The following ZFP14 variants were observed in gnomAD, a reference collection of about 807,000 sequenced individuals.
ZFP14 encodes zinc finger protein 14 homolog.
A neutral mutation model predicts 54.5 loss-of-function variants in ZFP14; 22 were observed. The observed-to-expected ratio is 0.40, with a 90% CI of 0.29 to 0.58. The LOEUF (loss-of-function observed/expected upper bound fraction) is 0.58, where lower values mean the gene tolerates loss of function less well. ZFP14 is among the 20% of genes least tolerant of loss of function. The pLI, the probability that ZFP14 is intolerant of heterozygous loss-of-function variation, is 0.39. For missense variants in ZFP14, 470 were observed against 637.8 expected (o/e 0.74, Z 2.83); for synonymous variants, 159 against 204.0 (o/e 0.78, Z 1.88).
At chr19:36,375,926 C>T (rs949662674) in intron 1 of ZFP14, among the ~76,000 whole-genome samples, 1 of 151,888 alleles carries the variant, frequency 6.6e-6, no homozygotes, top group African/African-American at 2.4e-5. Context: ...CTCCTGACCT[C>T]GGGTAATGCA....
rs2031193543 is a variant in ZFP14 at position 36,336,251 on chromosome 19, T to TA, written c.*3972_*3973insT. The TA allele has an allele frequency of 6.8e-6, 1 of 147,014 alleles. No homozygotes were observed. The highest frequency in any genetic ancestry group is 6.8e-5 in the Admixed American group (1 of 14,750). 9.1% of individuals were successfully genotyped at this position (147,014 alleles called of 1,614,324 possible). A position where few individuals can be genotyped will look rare whatever the true frequency, so the allele number is the denominator to read the frequency against. ...ACTTGGCTGTTCCTTTTTTTTTTTT[T>TA]TTTTTTTTGACAGACTCTTGCTCTG... is the stretch of plus-strand genomic sequence containing the variant. On this transcript the variant is annotated 3_prime_UTR_variant, in exon 5 of 5. Coordinates refer to ENST00000270001, the MANE Select transcript of ZFP14 (RefSeq NM_020917.3).
intron 2 of ZFP14, among the ~76,000 whole-genome samples, chr19:36,364,187 T>TA (rs2031756461): frequency 6.6e-6 from 1 of 152,126 alleles, no homozygotes; most frequent in Non-Finnish European, 1.5e-5. Context: ...ATCCCTGCCC[T>TA]AAAAAGTACA....
rs564879443 is a variant in ZFP14, at chr19:36,351,728, G to A, written c.235+8707C>T. Among the ~76,000 whole-genome samples the A allele has an allele frequency of 5.4e-4, 76 of 141,250 alleles. 11 individuals are homozygous for A. Among genetic ancestry groups the A allele is most frequent in the South Asian group, 1.1e-3 (5 of 4,422 alleles). The allele number at this position is 141,250 out of a possible 152,430, so 92.7% of individuals were successfully genotyped here. On this transcript the variant is annotated intron_variant, in intron 4 of 4. Coordinates refer to ENST00000270001, the MANE Select transcript of ZFP14 (RefSeq NM_020917.3). ...AAACAAATTAGCCGGGCATGGTGGT[G>A]TGTACCCGTAGTCCTACCTACCCAA...
chr19:36,347,950 C>T (rs779805943), intron 4 of ZFP14, among the ~76,000 whole-genome samples: 5 of 151,926 alleles, frequency 3.3e-5, no homozygotes, highest in Admixed American at 2.0e-4. Flanking sequence ...CCTAGCTACT[C>T]GGGAGGCTGA....
In ZFP14 at chr19:36,336,354, C is replaced by G. The variant is rs2031197237; in HGVS notation, c.*3870G>C. The G allele has an allele frequency of 6.6e-6, 1 of 151,612 alleles. No individual in the cohort carries two copies. Among genetic ancestry groups the G allele is most frequent in the African/African-American group, 2.4e-5 (1 of 41,162 alleles). 9.4% of individuals were successfully genotyped at this position (151,612 alleles called of 1,614,324 possible). ...TCCTGGATTCAAGTGATTCTCCTGC[C>G]TTAGCCTCCCAAGTAGCTGGGATTA... On this transcript the variant is annotated 3_prime_UTR_variant, in exon 5 of 5. Coordinates refer to ENST00000270001, the MANE Select transcript of ZFP14 (RefSeq NM_020917.3).
chr19:36,345,295 C>T (rs78989438), intron 4 of ZFP14, among the ~76,000 whole-genome samples: 2,797 of 152,216 alleles, frequency 0.018, 53 homozygotes, highest in African/African-American at 0.062. Flanking sequence ...CCTTCATATC[C>T]TCCCCATGTG....
intron 4 of ZFP14, among the ~76,000 whole-genome samples, chr19:36,351,334 A>G (rs1464058816): frequency 1.4e-5 from 2 of 140,378 alleles, no homozygotes; most frequent in African/African-American, 5.2e-5. Context: ...CCCCGTCTCT[A>G]CTAAAAACTA....
intron 1 of ZFP14, among the ~76,000 whole-genome samples, chr19:36,369,655 C>A (rs528942620): frequency 3.2e-4 from 49 of 152,256 alleles, no homozygotes; most frequent in African/African-American, 1.2e-3. Flanking sequence ...AATTGATCCA[C>A]CCGCCTCAGC....
chr19:36,350,617 A>C (rs2031508203), intron 4 of ZFP14, among the ~76,000 whole-genome samples: 2 of 140,774 alleles, frequency 1.4e-5, no homozygotes, highest in South Asian at 4.5e-4. Context: ...ACCAAAAAAA[A>C]ACAAAAAACA....
chr19:36,340,147 G>C lies in ZFP14; in HGVS notation c.*77C>G, dbSNP rs982568009. ...TATAAAATTTATTATGCTTGGAATT[G>C]AGCATGAAACACATTTTCTCAAAAA... On this transcript the variant is annotated 3_prime_UTR_variant, in exon 5 of 5. Transcript: ENST00000270001. The surrounding 1 kb of genome is among the most constrained non-coding windows in gnomAD (Gnocchi z 5.4). 6 of 1,374,364 alleles carry C rather than the reference G, an allele frequency of 4.4e-6. No homozygotes were observed. The African/African-American group carries it at 7.2e-5, about 17-fold the overall frequency. 85.1% of individuals were successfully genotyped at this position (1,374,364 alleles called of 1,614,324 possible).
chr19:36,341,643 AAAAC>A lies in ZFP14; in HGVS notation c.236-57_236-54del, dbSNP rs879261235. On this transcript the variant is annotated intron_variant, in intron 4 of 4. Coordinates refer to ENST00000270001, the MANE Select transcript of ZFP14 (RefSeq NM_020917.3). The surrounding 1 kb of genome is among the most constrained non-coding windows in gnomAD (Gnocchi z 4.2). ...TACTGTTTTCCTGTTCCAGAAAGAAAAAACAAACAAACAAAAAAACCACTTCTAT... is the reference window on the plus strand; with the variant it reads ...TACTGTTTTCCTGTTCCAGAAAGAAAAAACAAACAAAAAAACCACTTCTAT... The A allele has an allele frequency of 8.5e-5, 127 of 1,486,840 alleles. No homozygotes were observed. The highest frequency in any genetic ancestry group is 5.6e-4 in the Middle Eastern group (3 of 5,336). 92.1% of individuals were successfully genotyped at this position (1,486,840 alleles called of 1,614,324 possible). A position where few individuals can be genotyped will look rare whatever the true frequency, so the allele number is the denominator to read the frequency against.
At chr19:36,357,669 G>A (rs1228117061) in intron 4 of ZFP14, among the ~76,000 whole-genome samples, 2 of 151,980 alleles carry the variant, frequency 1.3e-5, no homozygotes, top group Non-Finnish European at 2.9e-5. Flanking sequence ...CCTCTGTTGT[G>A]TTTTGTTCGG....
chr19:36,359,289 G>A (rs2031670787), intron 4 of ZFP14, among the ~76,000 whole-genome samples: 1 of 151,914 alleles, frequency 6.6e-6, no homozygotes, highest in African/African-American at 2.4e-5. Flanking sequence ...TAAAATTTTT[G>A]TATCTATGTA....
chr19:36,346,046 A>C lies in ZFP14; in HGVS notation c.236-4456T>G, dbSNP rs562066972. On this transcript the variant is annotated intron_variant, in intron 4 of 4. Coordinates refer to ENST00000270001, the MANE Select transcript of ZFP14 (RefSeq NM_020917.3). The stretch of plus-strand genomic sequence containing the variant: ...GATGACTCATGCCTGTAAACCCAGC[A>C]CTTTGGGAGGCTGAGGCTGGAGGAT... Among the ~76,000 whole-genome samples, 20 of 152,242 alleles carry C rather than the reference A, an allele frequency of 1.3e-4. No individual in the cohort carries two copies. In the East Asian group the frequency reaches 3.7e-3, roughly 28 times the overall value.
intron 1 of ZFP14, among the ~76,000 whole-genome samples, chr19:36,375,610 T>C (rs1328282240): frequency 6.9e-6 from 1 of 145,490 alleles, no homozygotes; most frequent in Admixed American, 7.2e-5. Context: ...CAGGCTGGAG[T>C]GCAGTGGTGC....
chr19:36,373,277 CAAA>C (rs577636762), intron 1 of ZFP14, among the ~76,000 whole-genome samples: 1 of 88,146 alleles, frequency 1.1e-5, no homozygotes. Flanking sequence ...AACTCCGTCT[CAAA>C]AAAAAAAAAC....
At chr19:36,345,051 C>T (rs1442085376) in intron 4 of ZFP14, among the ~76,000 whole-genome samples, 2 of 152,102 alleles carry the variant, frequency 1.3e-5, no homozygotes, top group Non-Finnish European at 2.9e-5. Flanking sequence ...CACCTGAGGT[C>T]GGGAGTTCGA....
chr19:36,338,520 T>TA lies in ZFP14; in HGVS notation c.*1703dup, dbSNP rs748422706. On this transcript the variant is annotated 3_prime_UTR_variant, in exon 5 of 5. Transcript: ENST00000270001. ...GGGCAACATAGTGAGACCCTTTCTCTAAAAAAAAAAAAAAAATTTAGGTGG... is the reference window on the plus strand; with the variant it reads ...GGGCAACATAGTGAGACCCTTTCTCTAAAAAAAAAAAAAAAAATTTAGGTGG... 0.024 allele frequency: 3,220 copies of TA among 135,188 alleles called. 94 individuals carry two copies. Among genetic ancestry groups the TA allele is most frequent in the African/African-American group, 0.071 (2,614 of 36,662 alleles). The allele number at this position is 135,188 out of a possible 1,614,324, so 8.4% of individuals were successfully genotyped here. A position where few individuals can be genotyped will look rare whatever the true frequency, so the allele number is the denominator to read the frequency against.
At chr19:36,347,044 G>C (rs568656960) in intron 4 of ZFP14, among the ~76,000 whole-genome samples, 2 of 152,292 alleles carry the variant, frequency 1.3e-5, no homozygotes, top group African/African-American at 4.8e-5. Flanking sequence ...GAACTATCTA[G>C]ACCCATCCTT....
Sources: allele counts gnomAD v4.1 joint callset (sites outside exome capture counted in the v4.1 genomes callset), GRCh38; gene constraint gnomAD v4.1.1; non-coding constraint Gnocchi (gnomAD v3.1); transcripts MANE v1.5; gene names NCBI Gene and HGNC (gene_info 2026-07-23, HGNC 2026-07-21).